YAF2: variants seen among roughly 807,000 people sequenced by gnomAD.
The protein encoded by YAF2 is YY1-associated factor 2.
YAF2 carries 7 observed loss-of-function variants against 20.1 expected under a neutral mutation model. That is an observed-to-expected ratio of 0.35 (90% confidence interval 0.20 to 0.65). The LOEUF (loss-of-function observed/expected upper bound fraction) is 0.65, where lower values mean the gene tolerates loss of function less well. YAF2 is among the 30% of genes least tolerant of loss of function. The pLI, the probability that YAF2 is intolerant of heterozygous loss-of-function variation, is 0.69. For missense variants in YAF2, 151 were observed against 219.2 expected, an observed-to-expected ratio of 0.69 and a Z score of 1.96; for synonymous variants, 74 against 76.0, an observed-to-expected ratio of 0.97 and a Z score of 0.14.
intron 2 of YAF2, chr12:42,233,634 C>G: frequency 1.6e-6 from 1 of 622,602 alleles, no homozygotes; most frequent in Non-Finnish European, 2.0e-6. Context: ...ACTTCAGCCT[C>G]CTGAGTAGCT....
At chr12:42,222,952 G>C (rs202080688) in intron 2 of YAF2, among the ~76,000 whole-genome samples, 1 of 115,086 alleles carries the variant, frequency 8.7e-6, no homozygotes, top group Non-Finnish European at 1.9e-5. Flanking sequence ...TTTTTTTTTT[G>C]TTACCATTGG....
rs548168102 is a variant in YAF2, at chr12:42,226,315, C to G, written c.152+11284G>C. Among the ~76,000 whole-genome samples the G allele has an allele frequency of 2.0e-5, 3 of 152,204 alleles. No individual in the cohort carries two copies. The South Asian group carries it at 6.2e-4, about 32-fold the overall frequency. On this transcript the variant is annotated intron_variant, in intron 2 of 3. Transcript: ENST00000534854. ...ATCATAACAATATTATACAACTTGC[C>G]AAAGCTGTTCCTTAAAAATGCTAAG...
At chr12:42,190,935 A>G (rs963758362) in intron 2 of YAF2, among the ~76,000 whole-genome samples, 4 of 152,018 alleles carry the variant, frequency 2.6e-5, no homozygotes, top group African/African-American at 7.2e-5. Flanking sequence ...TTATAATACA[A>G]TGTAACCTAC....
chr12:42,210,201 C>T (rs1160768355), intron 2 of YAF2, among the ~76,000 whole-genome samples: 1 of 152,184 alleles, frequency 6.6e-6, no homozygotes, highest in South Asian at 2.1e-4. Context: ...TCAGTATTTA[C>T]TGTCCACACA....
intron 2 of YAF2, among the ~76,000 whole-genome samples, chr12:42,190,263 G>C (rs1343753330): frequency 6.6e-6 from 1 of 152,150 alleles, no homozygotes; most frequent in Admixed American, 6.6e-5. Flanking sequence ...ATGATCTCTT[G>C]AGCCTGGGAA....
chr12:42,172,072 G>A (rs188946525), intron 2 of YAF2: 1 of 152,276 alleles, frequency 6.6e-6, no homozygotes, highest in Admixed American at 6.5e-5. Flanking sequence ...AATGCTCTAT[G>A]CTCTTTCTAT....
intron 2 of YAF2, among the ~76,000 whole-genome samples, chr12:42,219,837 T>TACATTTCTA (rs2067463687): frequency 6.6e-6 from 1 of 152,222 alleles, no homozygotes; most frequent in Admixed American, 6.5e-5. Context: ...CCTGAGATTG[T>TACATTTCTA]ACATTTCTAA....
intron 2 of YAF2, among the ~76,000 whole-genome samples, chr12:42,190,250 A>C (rs1317607564): frequency 6.6e-6 from 1 of 152,148 alleles, no homozygotes; most frequent in Non-Finnish European, 1.5e-5. Flanking sequence ...AAGTTGAGGA[A>C]GGATGATCTC....
intron 2 of YAF2, chr12:42,236,039 C>T (rs1299655723): frequency 1.0e-5 from 16 of 1,532,884 alleles, no homozygotes; most frequent in African/African-American, 1.4e-5. Context: ...CAGTATTTTT[C>T]TAATGGCTAC....
intron 2 of YAF2, among the ~76,000 whole-genome samples, chr12:42,217,805 T>C (rs1169792297): frequency 1.3e-5 from 2 of 152,140 alleles, no homozygotes; most frequent in Non-Finnish European, 2.9e-5. Context: ...TAGCAAAGAA[T>C]TCTTTAAGAG....
chr12:42,204,068 A>T (rs2137178840), intron 2 of YAF2, among the ~76,000 whole-genome samples: 1 of 152,104 alleles, frequency 6.6e-6, no homozygotes, highest in East Asian at 1.9e-4. Flanking sequence ...CCCCATCTCT[A>T]AAAAAACCAA....
chr12:42,158,771 A>G lies in YAF2; in HGVS notation c.*1818T>C, dbSNP rs1356145969. 6.6e-6 allele frequency: 1 copy of G among 152,228 alleles called. No individual in the cohort carries two copies. The highest frequency in any genetic ancestry group is 6.5e-5 in the Admixed American group (1 of 15,278). The allele number at this position is 152,228 out of a possible 1,614,324, so 9.4% of individuals were successfully genotyped here. On this transcript the variant is annotated 3_prime_UTR_variant, in exon 4 of 4. Coordinates refer to ENST00000534854, the MANE Select transcript of YAF2 (RefSeq NM_005748.6). ...GATTTTTCTCTCTTGCAGCTCATTT[A>G]AAATACATCCTGAAAGTTATTTGAT...
At chr12:42,201,137 C>T (rs941489892) in intron 2 of YAF2, among the ~76,000 whole-genome samples, 2 of 152,110 alleles carry the variant, frequency 1.3e-5, no homozygotes, top group Non-Finnish European at 2.9e-5. Flanking sequence ...CTTATTTATC[C>T]ATGCCTTCCT....
At chr12:42,234,108 T>G in intron 2 of YAF2, 1 of 748,126 alleles carries the variant, frequency 1.3e-6, no homozygotes, top group Non-Finnish European at 1.6e-6. Flanking sequence ...GAGGTGGAGG[T>G]TGCAGTGAGC....
rs141305278 is a variant in YAF2 at position 42,157,779 on chromosome 12, C to CATATAT, written c.*2804_*2809dup. 2.0e-5 allele frequency: 3 copies of CATATAT among 149,962 alleles called. No individual in the cohort carries two copies. The highest frequency in any genetic ancestry group is 2.1e-4 in the South Asian group (1 of 4,772). The allele number at this position is 149,962 out of a possible 1,614,324, so 9.3% of individuals were successfully genotyped here. A position where few individuals can be genotyped will look rare whatever the true frequency, so the allele number is the denominator to read the frequency against. On this transcript the variant is annotated 3_prime_UTR_variant, in exon 4 of 4. Coordinates refer to ENST00000534854, the MANE Select transcript of YAF2 (RefSeq NM_005748.6). Reference sequence around the variant, plus strand: ...AAATTATATTCACTTTTTAAATATACATATATATATATATGTATATTCAAA... The same window carrying CATATAT: ...AAATTATATTCACTTTTTAAATATACATATATATATATATATATATGTATATTCAAA...
intron 2 of YAF2, among the ~76,000 whole-genome samples, chr12:42,183,103 G>A (rs1047831861): frequency 1.3e-5 from 2 of 152,096 alleles, no homozygotes; most frequent in Non-Finnish European, 2.9e-5. Flanking sequence ...TGCTGTCATT[G>A]TTTTGAGGAG....
intron 2 of YAF2, among the ~76,000 whole-genome samples, chr12:42,228,799 C>T (rs1255319748): frequency 1.8e-5 from 1 of 56,458 alleles, no homozygotes; most frequent in Non-Finnish European, 3.0e-5. Context: ...GGGGGGTCAG[C>T]CCCCCGCCCG....
At chr12:42,224,036 G>C (rs971365802) in intron 2 of YAF2, among the ~76,000 whole-genome samples, 1 of 151,992 alleles carries the variant, frequency 6.6e-6, no homozygotes, top group Non-Finnish European at 1.5e-5. Context: ...AGAAGTTAAA[G>C]TAAAATAAAT....
chr12:42,218,824 TC>T (rs1404789655), intron 2 of YAF2, among the ~76,000 whole-genome samples: 1 of 152,022 alleles, frequency 6.6e-6, no homozygotes, highest in Non-Finnish European at 1.5e-5. Context: ...CTTACTAATC[TC>T]GGTCCTTAAA....
Sources: allele counts gnomAD v4.1 joint callset (sites outside exome capture counted in the v4.1 genomes callset), GRCh38; gene constraint gnomAD v4.1.1; transcripts MANE v1.5; gene names NCBI Gene and HGNC (gene_info 2026-07-23, HGNC 2026-07-21).